SLC43A2: variants seen among roughly 807,000 people sequenced by gnomAD.
SLC43A2 encodes the protein large neutral amino acids transporter small subunit 4.
Under a neutral mutation model 63.2 loss-of-function variants are expected in SLC43A2, and 38 were observed. The observed-to-expected ratio is 0.60, with a 90% CI of 0.46 to 0.79. The LOEUF (loss-of-function observed/expected upper bound fraction) is 0.79, where lower values mean the gene tolerates loss of function less well. Among genes scored for constraint, SLC43A2 ranks in the 30% least tolerant of loss-of-function variants. SLC43A2 has a pLI of 0.00. For synonymous variants in SLC43A2, 322 were observed against 331.0 expected (o/e 0.97, Z 0.30); for missense variants, 644 against 756.2 (o/e 0.85, Z 1.74).
At position 1,613,201 on chromosome 17, in the gene SLC43A2, T is replaced by C. The variant is rs757768922; in HGVS notation, c.495A>G (p.Ser165=). The C allele has an allele frequency of 7.4e-6, 12 of 1,613,412 alleles. No homozygotes were observed. The highest frequency in any genetic ancestry group is 9.3e-6 in the Non-Finnish European group (11 of 1,179,584). Residue 165 remains serine, a synonymous_variant, in exon 5 of 14, where the codon TCA becomes TCG. Transcript: ENST00000301335. ...GFGGMCMTFT[S]LTLPNMFGDL... is the part of the protein sequence containing the mutation. The stretch of plus-strand genomic sequence containing the variant: ...TTAAAAAATCTGTACTCACTGTTAA[T>C]GAGGTGAAGGTCATACACATCCCAC...
At chr17:1,611,759 G>T (rs1907127554) in intron 5 of SLC43A2, among the ~76,000 whole-genome samples, 1 of 152,164 alleles carries the variant, frequency 6.6e-6, no homozygotes, top group African/African-American at 2.4e-5. Context: ...AATAGTAATG[G>T]TAGGTACTGT....
rs550070475 is a variant in SLC43A2, at chr17:1,600,318, T to C, written c.502-7039A>G. ...GGTGCCTGCCACGACGCCTGGCTAA[T>C]TTTTGTATTTTTAGTAGAGACGGGG... On this transcript the variant is annotated intron_variant, in intron 5 of 13. Transcript: ENST00000301335. Among the ~76,000 whole-genome samples, 4 of 143,648 alleles carry C rather than the reference T, an allele frequency of 2.8e-5. No homozygotes were observed. The South Asian group carries it at 9.1e-4, about 33-fold the overall frequency. 94.2% of individuals were successfully genotyped at this position (143,648 alleles called of 152,430 possible). A position where few individuals can be genotyped will look rare whatever the true frequency, so the allele number is the denominator to read the frequency against.
chr17:1,605,880 C>T lies in SLC43A2; in HGVS notation c.501+7315G>A, dbSNP rs1184572553. 6.6e-6 allele frequency among the ~76,000 whole-genome samples: 1 copy of T among 152,102 alleles called. No homozygotes were observed. Among genetic ancestry groups the T allele is most frequent in the African/African-American group, 2.4e-5 (1 of 41,418 alleles). ...TGAAGGGAGGGGAAGGGTGTGCTCC[C>T]CTCCCCCGGCCACCTCCTGTGCCTT... On this transcript the variant is annotated intron_variant, in intron 5 of 13. Transcript: ENST00000301335. This position sits in a 1 kb window ranked among gnomAD's most constrained non-coding sequence, Gnocchi z 4.9.
intron 11 of SLC43A2, among the ~76,000 whole-genome samples, chr17:1,581,668 G>T (rs2076015926): frequency 6.6e-6 from 1 of 152,154 alleles, no homozygotes; most frequent in Non-Finnish European, 1.5e-5. Flanking sequence ...GTAAATTTAG[G>T]GATTGGGCCA....
At chr17:1,609,263 G>A (rs186709257) in intron 5 of SLC43A2, among the ~76,000 whole-genome samples, 60 of 152,200 alleles carry the variant, frequency 3.9e-4, no homozygotes, top group Admixed American at 7.8e-4. Context: ...GTGCAGTGGC[G>A]CAATCTCGAC....
At chr17:1,585,536 C>T in intron 10 of SLC43A2, 2 of 565,640 alleles carry the variant, frequency 3.5e-6, no homozygotes, top group South Asian at 3.7e-5. Context: ...ATGAACCACC[C>T]TCCCTGGCCA....
At chr17:1,604,603 G>T in intron 5 of SLC43A2, 1 of 846,676 alleles carries the variant, frequency 1.2e-6, no homozygotes, top group Non-Finnish European at 1.8e-6. Flanking sequence ...AGAACTCCTG[G>T]GCTCAACTCA....
rs1166670346 is a variant in SLC43A2, at chr17:1,606,060, CAGAA to C, written c.501+7131_501+7134del. ...GCCTGAGCTTCCCCAAGGTACAGGA[CAGAA>C]AGAGAGGAAGGTGGGGAGGCACAGC... On this transcript the variant is annotated intron_variant, in intron 5 of 13. Coordinates refer to ENST00000301335, the MANE Select transcript of SLC43A2 (RefSeq NM_152346.3). This position sits in a 1 kb window ranked among gnomAD's most constrained non-coding sequence, Gnocchi z 4.7. Among the ~76,000 whole-genome samples the C allele has an allele frequency of 6.6e-6, 1 of 152,158 alleles. No individual in the cohort carries two copies. Among genetic ancestry groups the C allele is most frequent in the East Asian group, 1.9e-4 (1 of 5,188 alleles).
At chr17:1,589,971 C>G (rs1904594167) in intron 9 of SLC43A2, among the ~76,000 whole-genome samples, 2 of 152,182 alleles carry the variant, frequency 1.3e-5, no homozygotes, top group Admixed American at 1.3e-4. Context: ...CCTTTGCTAT[C>G]TTTTCCTTTT....
In SLC43A2 at chr17:1,578,217, C is replaced by T. The variant is rs754857815; in HGVS notation, c.1424+33G>A. On this transcript the variant is annotated intron_variant, in intron 12 of 13. Transcript: ENST00000301335. This position sits in a 1 kb window ranked among gnomAD's most constrained non-coding sequence, Gnocchi z 6.5. ...CCCCCCGGCCATTCCCACACCCTCG[C>T]CCACCAGGCCACCTGCGGCTTCCAG... 9.3e-6 allele frequency: 15 copies of T among 1,607,614 alleles called. No homozygotes were observed. Among genetic ancestry groups the T allele is most frequent in the African/African-American group, 4.0e-5 (3 of 74,824 alleles).
rs1799472101 is a variant in SLC43A2, at chr17:1,605,431, T to C, written c.501+7764A>G. Among the ~76,000 whole-genome samples the C allele has an allele frequency of 6.6e-6, 1 of 152,130 alleles. No individual in the cohort carries two copies. Among genetic ancestry groups the C allele is most frequent in the South Asian group, 2.1e-4 (1 of 4,826 alleles). ...GCTTCTCTAAGATGCCGGACGTACG[T>C]GCCTTTTGGCCCAGGGCAGGCCATG... On this transcript the variant is annotated intron_variant, in intron 5 of 13. Coordinates refer to ENST00000301335, the MANE Select transcript of SLC43A2 (RefSeq NM_152346.3). The surrounding 1 kb of genome is among the most constrained non-coding windows in gnomAD (Gnocchi z 4.9).
intron 6 of SLC43A2, among the ~76,000 whole-genome samples, chr17:1,591,903 A>T (rs1382317140): frequency 6.6e-6 from 1 of 152,130 alleles, no homozygotes; most frequent in African/African-American, 2.4e-5. Context: ...CCTGCTGGTC[A>T]TCTGGGCCTG....
chr17:1,619,438 T>C (rs1023505916), intron 2 of SLC43A2, among the ~76,000 whole-genome samples: 1 of 152,352 alleles, frequency 6.6e-6, no homozygotes, highest in Middle Eastern at 3.4e-3. Context: ...AGGTTAACCA[T>C]GTGGAGCCAC....
At chr17:1,618,115 G>C (rs1907844979) in intron 2 of SLC43A2, among the ~76,000 whole-genome samples, 2 of 152,230 alleles carry the variant, frequency 1.3e-5, no homozygotes, top group Non-Finnish European at 2.9e-5. Context: ...GCCTCTCGGG[G>C]TTCCTCCAAG....
At chr17:1,575,788 C>T in intron 13 of SLC43A2, 23 bp from the exon 14 acceptor site, 1 of 1,593,620 alleles carries the variant, frequency 6.3e-7, no homozygotes, top group African/African-American at 1.3e-5. Flanking sequence ...GGAGGCCGCG[C>T]ATCACAGGGC....
At chr17:1,604,811 G>T (rs1473309040) in intron 5 of SLC43A2, 1 of 1,535,646 alleles carries the variant, frequency 6.5e-7, no homozygotes, top group Admixed American at 2.0e-5. Flanking sequence ...GCATTTGCCT[G>T]TGGACTCCCG....
chr17:1,601,927 C>CA (rs1370668090), intron 5 of SLC43A2, among the ~76,000 whole-genome samples: 1 of 151,338 alleles, frequency 6.6e-6, no homozygotes, highest in Non-Finnish European at 1.5e-5. Flanking sequence ...GAGACTACCC[C>CA]AGGCATGCAC....
intron 5 of SLC43A2, among the ~76,000 whole-genome samples, chr17:1,600,522 C>T (rs1237642203): frequency 1.4e-5 from 2 of 144,606 alleles, no homozygotes; most frequent in Non-Finnish European, 3.0e-5. Context: ...CATTCTAAAT[C>T]TCATAAGAGA....
At chr17:1,588,798 C>G (rs1904464485) in intron 9 of SLC43A2, among the ~76,000 whole-genome samples, 1 of 152,028 alleles carries the variant, frequency 6.6e-6, no homozygotes, top group African/African-American at 2.4e-5. Flanking sequence ...GATGGCGGGT[C>G]TCAAACGCTG....
Sources: allele counts gnomAD v4.1 joint callset (sites outside exome capture counted in the v4.1 genomes callset), GRCh38; gene constraint gnomAD v4.1.1; non-coding constraint Gnocchi (gnomAD v3.1); transcripts MANE v1.5; gene names NCBI Gene and HGNC (gene_info 2026-07-23, HGNC 2026-07-21).